Variants in LMNB1 observed in about 807,000 individuals in gnomAD.
The protein encoded by LMNB1 is lamin-B1.
A neutral mutation model predicts 67.1 loss-of-function variants in LMNB1; 23 were observed. The observed-to-expected ratio is 0.34, with a 90% CI of 0.25 to 0.49. The LOEUF (loss-of-function observed/expected upper bound fraction) is 0.49, where lower values mean the gene tolerates loss of function less well. Ranked by LOEUF, LMNB1 falls within the 20% of genes least tolerant of loss-of-function variation. LMNB1 has a pLI of 0.99. For synonymous variants in LMNB1, 281 were observed against 282.9 expected, an observed-to-expected ratio of 0.99 and a Z score of 0.07; for missense variants, 634 against 746.5, an observed-to-expected ratio of 0.85 and a Z score of 1.76.
In LMNB1 at chr5:126,826,056, G is replaced by C; in HGVS notation, c.1560G>C (p.Ser520=). The C allele has an allele frequency of 6.2e-7, 1 of 1,614,036 alleles. No individual in the cohort carries two copies. Among genetic ancestry groups the C allele is most frequent in the Non-Finnish European group, 8.5e-7 (1 of 1,179,948 alleles). The change falls in exon 9 of 11, where the codon TCG becomes TCC. Residue 520 remains serine, a synonymous_variant. Coordinates refer to ENST00000261366, the MANE Select transcript of LMNB1 (RefSeq NM_005573.4). ...PTDLIWKNQN[S]WGTGEDVKVI... ...ACCTCATCTGGAAGAACCAGAACTC[G>C]TGGGGCACTGGCGAAGATGTGAAGG...
At chr5:126,784,954 C>A (rs1487758815) in intron 1 of LMNB1, among the ~76,000 whole-genome samples, 1 of 141,302 alleles carries the variant, frequency 7.1e-6, no homozygotes, top group African/African-American at 2.7e-5. Context: ...AAGCCACTGC[C>A]CTCCGCCCGA....
intron 1 of LMNB1, among the ~76,000 whole-genome samples, chr5:126,800,981 A>ATTTTTTTT (rs1554113727): frequency 3.6e-5 from 1 of 28,056 alleles, no homozygotes; most frequent in Non-Finnish European, 7.0e-5. Context: ...ATATATATAT[A>ATTTTTTTT]ATTTTTTTTT....
chr5:126,821,826 A>C (rs1406039544), intron 7 of LMNB1, among the ~76,000 whole-genome samples: 1 of 151,188 alleles, frequency 6.6e-6, no homozygotes, highest in Non-Finnish European at 1.5e-5. Flanking sequence ...AGTGGGATGG[A>C]TGTCACATCT....
intron 5 of LMNB1, among the ~76,000 whole-genome samples, chr5:126,814,016 T>G (rs1751643156): frequency 6.6e-6 from 1 of 152,046 alleles, no homozygotes; most frequent in Non-Finnish European, 1.5e-5. Context: ...CTGCCTTAGC[T>G]TCCCTAGTAG....
rs1421107984 is a variant in LMNB1 at position 126,836,536 on chromosome 5, T to G, written c.*272T>G. ...GTTCCTCAAATTTTTTGACTTTTTT[T>G]GTATGTGTGTTTTTTCTTTTTTTTT... On this transcript the variant is annotated 3_prime_UTR_variant, in exon 11 of 11. Transcript: ENST00000261366. 1 of 362,904 alleles carries G rather than the reference T, an allele frequency of 2.8e-6. No individual in the cohort carries two copies. Among genetic ancestry groups the G allele is most frequent in the East Asian group, 4.2e-5 (1 of 24,028 alleles). The allele number at this position is 362,904 out of a possible 1,614,324, so 22.5% of individuals were successfully genotyped here. A position where few individuals can be genotyped will look rare whatever the true frequency, so the allele number is the denominator to read the frequency against.
Position 126,777,686 on chromosome 5 carries a change from C to A in LMNB1, c.178C>A (p.Leu60Met). ...CAGCCTGGAGACGGAGAACAGCGCGCTGCAGCTGCAGGTGACGGAGCGCGA... is the reference window on the plus strand; with the variant it reads ...CAGCCTGGAGACGGAGAACAGCGCGATGCAGCTGCAGGTGACGGAGCGCGA... Reference protein sequence around the residue: ...VRSLETENSALQLQVTEREEV... With the variant: ...VRSLETENSAMQLQVTEREEV... Residue 60 changes from leucine to methionine, a missense_variant, in exon 1 of 11, where the codon CTG becomes ATG. Transcript: ENST00000261366. The A allele has an allele frequency of 6.5e-7, 1 of 1,545,332 alleles. No individual in the cohort carries two copies. The highest frequency in any genetic ancestry group is 8.7e-7 in the Non-Finnish European group (1 of 1,144,882).
chr5:126,810,703 T>TA (rs1228463694), intron 4 of LMNB1, among the ~76,000 whole-genome samples: 1 of 152,252 alleles, frequency 6.6e-6, no homozygotes, highest in African/African-American at 2.4e-5. Context: ...AACATCCATT[T>TA]AGTAATGAAT....
At chr5:126,830,194 G>A (rs1389313646) in intron 9 of LMNB1, among the ~76,000 whole-genome samples, 1 of 152,218 alleles carries the variant, frequency 6.6e-6, no homozygotes, top group African/African-American at 2.4e-5. Flanking sequence ...TGAGCACAGA[G>A]CTGTGCAGTG....
At chr5:126,790,549 T>G (rs1561737338) in intron 1 of LMNB1, among the ~76,000 whole-genome samples, 1 of 152,138 alleles carries the variant, frequency 6.6e-6, no homozygotes, top group Non-Finnish European at 1.5e-5. Flanking sequence ...TTTGATCACC[T>G]ATAAAAATAG....
At chr5:126,798,191 G>A (rs901309940) in intron 1 of LMNB1, among the ~76,000 whole-genome samples, 6 of 151,756 alleles carry the variant, frequency 4.0e-5, no homozygotes, top group African/African-American at 7.3e-5. Flanking sequence ...GGCTCACCGA[G>A]CCTGTAATCC....
chr5:126,819,044 G>C lies in LMNB1; in HGVS notation c.1062G>C (p.Gln354His). 6.2e-6 allele frequency: 10 copies of C among 1,614,138 alleles called. No homozygotes were observed. The highest frequency in any genetic ancestry group is 8.5e-6 in the Non-Finnish European group (10 of 1,180,008). The change falls in exon 6 of 11, where the codon CAG becomes CAC. Residue 354 changes from glutamine (Q) to histidine (H), a missense_variant. Gln to His is a conservative substitution (Grantham distance 24). Transcript: ENST00000261366. ...REMAEIRDQMQQQLNDYEQLL... is the reference protein window; with the variant it reads ...REMAEIRDQMHQQLNDYEQLL... Reference sequence around the variant, plus strand: ...TGGCGGAAATAAGGGATCAAATGCAGCAACAGCTGAATGACTATGAACAGC... The same window carrying C: ...TGGCGGAAATAAGGGATCAAATGCACCAACAGCTGAATGACTATGAACAGC...
At chr5:126,784,447 TC>T (rs1750711429) in intron 1 of LMNB1, among the ~76,000 whole-genome samples, 1 of 132,560 alleles carries the variant, frequency 7.5e-6, no homozygotes, top group Non-Finnish European at 1.6e-5. Flanking sequence ...CCTCCGCCCC[TC>T]CAGGTTTAAG....
chr5:126,793,213 G>T (rs775383198), intron 1 of LMNB1, among the ~76,000 whole-genome samples: 1 of 152,136 alleles, frequency 6.6e-6, no homozygotes, highest in Non-Finnish European at 1.5e-5. Context: ...AGTGACAAAG[G>T]TAGTAGTTAT....
In LMNB1 at chr5:126,777,410, G is replaced by T; in HGVS notation, c.-99G>T. On this transcript the variant is annotated 5_prime_UTR_variant, in exon 1 of 11. Transcript: ENST00000261366. ...CAGCGTCTGGACGTGAGCGCAGGTCGCCGGTTTGTGCCTTCGGTCCCCGCT... is the reference window on the plus strand; with the variant it reads ...CAGCGTCTGGACGTGAGCGCAGGTCTCCGGTTTGTGCCTTCGGTCCCCGCT... 8.2e-7 allele frequency: 1 copy of T among 1,225,364 alleles called. No individual in the cohort carries two copies. Among genetic ancestry groups the T allele is most frequent in the Non-Finnish European group, 1.0e-6 (1 of 978,704 alleles). The allele number at this position is 1,225,364 out of a possible 1,614,324, so 75.9% of individuals were successfully genotyped here. A position where few individuals can be genotyped will look rare whatever the true frequency, so the allele number is the denominator to read the frequency against.
At chr5:126,778,591 C>G (rs1561730885) in intron 1 of LMNB1, among the ~76,000 whole-genome samples, 1 of 152,134 alleles carries the variant, frequency 6.6e-6, no homozygotes, top group Non-Finnish European at 1.5e-5. Flanking sequence ...GTGTCCTGTC[C>G]CAGCGGGGAT....
In LMNB1 at chr5:126,826,202, G is replaced by A. The variant is rs375180196; in HGVS notation, c.1611+95G>A. On this transcript the variant is annotated intron_variant, in intron 9 of 10. Transcript: ENST00000261366. ...GATCAGATTGAAACGTGCAATAACC[G>A]ATTGCATAAACAGACCAAAGCTGCT... 1.2e-5 allele frequency: 16 copies of A among 1,376,438 alleles called. No individual in the cohort carries two copies. In the African/African-American group the frequency reaches 1.7e-4, roughly 15 times the overall value. 85.3% of individuals were successfully genotyped at this position (1,376,438 alleles called of 1,614,324 possible). A position where few individuals can be genotyped will look rare whatever the true frequency, so the allele number is the denominator to read the frequency against.
intron 1 of LMNB1, among the ~76,000 whole-genome samples, chr5:126,782,580 C>T (rs750223136): frequency 1.3e-5 from 2 of 152,102 alleles, no homozygotes; most frequent in East Asian, 1.9e-4. Context: ...CACAGAGTCT[C>T]GCTCTTTTGC....
intron 1 of LMNB1, among the ~76,000 whole-genome samples, chr5:126,788,463 C>G (rs1750866037): frequency 6.6e-6 from 1 of 152,034 alleles, no homozygotes; most frequent in South Asian, 2.1e-4. Flanking sequence ...ATGGCGAAAC[C>G]CCGTTTCTAC....
At chr5:126,828,038 A>G (rs1024682095) in intron 9 of LMNB1, among the ~76,000 whole-genome samples, 2 of 152,190 alleles carry the variant, frequency 1.3e-5, no homozygotes, top group Non-Finnish European at 2.9e-5. Flanking sequence ...TACTGGATGC[A>G]TTTTTTAAAA....
Sources: allele counts gnomAD v4.1 joint callset (sites outside exome capture counted in the v4.1 genomes callset), GRCh38; gene constraint gnomAD v4.1.1; transcripts MANE v1.5; gene names NCBI Gene and HGNC (gene_info 2026-07-23, HGNC 2026-07-21).